The following HPSE2 variants were observed in gnomAD, a reference collection of about 807,000 sequenced individuals.
The protein encoded by HPSE2 is inactive heparanase-2.
Under a neutral mutation model 60.5 loss-of-function variants are expected in HPSE2, and 38 were observed. That is an observed-to-expected ratio of 0.63 (90% CI 0.48 to 0.82). The LOEUF is 0.82. Ranked by LOEUF, HPSE2 falls within the 40% of genes least tolerant of loss-of-function variation. HPSE2 has a pLI of 0.00. For synonymous variants in HPSE2, 295 were observed against 293.2 expected (o/e 1.01, Z -0.06); for missense variants, 713 against 740.4 (o/e 0.96, Z 0.43).
intron 3 of HPSE2, among the ~76,000 whole-genome samples, chr10:98,868,159 G>T (rs1952641161): frequency 6.6e-6 from 1 of 151,396 alleles, no homozygotes; most frequent in Admixed American, 6.6e-5. Flanking sequence ...GTACTATTCA[G>T]CTATAAAAAG....
chr10:99,020,529 C>T (rs1957239831), intron 3 of HPSE2, among the ~76,000 whole-genome samples: 1 of 152,210 alleles, frequency 6.6e-6, no homozygotes, highest in Non-Finnish European at 1.5e-5. Flanking sequence ...AAGGCAGTCT[C>T]ATAGCAGCTT....
chr10:99,105,903 A>C (rs1204137017), intron 3 of HPSE2, among the ~76,000 whole-genome samples: 1 of 152,046 alleles, frequency 6.6e-6, no homozygotes, highest in Non-Finnish European at 1.5e-5. Context: ...ATATTGTTTT[A>C]ATACCTTTGT....
At chr10:99,192,094 C>T (rs910311229) in intron 2 of HPSE2, among the ~76,000 whole-genome samples, 2 of 151,928 alleles carry the variant, frequency 1.3e-5, no homozygotes, top group Admixed American at 1.3e-4. Context: ...TGAAACATAC[C>T]TATAAGACCA....
chr10:99,307,834 A>ACG, the HPSE2 span, among the ~76,000 whole-genome samples: 3 of 118,222 alleles, frequency 2.5e-5, no homozygotes, highest in East Asian at 7.6e-4. Context: ...GTAAATGCGC[A>ACG]CACACACACA....
intron 3 of HPSE2, among the ~76,000 whole-genome samples, chr10:98,885,444 G>C (rs917507577): frequency 9.9e-5 from 15 of 152,194 alleles, no homozygotes; most frequent in African/African-American, 3.6e-4. Context: ...TCTACTGTGG[G>C]TAAAATGCTA....
chr10:98,697,756 G>C (rs568692279), intron 5 of HPSE2, among the ~76,000 whole-genome samples: 32 of 152,268 alleles, frequency 2.1e-4, no homozygotes, highest in Admixed American at 1.5e-3. Context: ...GGCAGCCAGA[G>C]AGAAAGGCCA....
intron 3 of HPSE2, among the ~76,000 whole-genome samples, chr10:98,965,092 T>C (rs950101099): frequency 7.2e-5 from 11 of 152,286 alleles, no homozygotes; most frequent in African/African-American, 2.6e-4. Flanking sequence ...GACCACCCAC[T>C]TCTAACCTAT....
intron 3 of HPSE2, among the ~76,000 whole-genome samples, chr10:98,980,604 G>T (rs1956183622): frequency 6.6e-6 from 1 of 152,192 alleles, no homozygotes; most frequent in Non-Finnish European, 1.5e-5. Flanking sequence ...GTGTATGAGT[G>T]ATTGAAGTCT....
chr10:99,144,739 A>G (rs1289561507), intron 2 of HPSE2, among the ~76,000 whole-genome samples: 10 of 152,178 alleles, frequency 6.6e-5, no homozygotes, highest in Admixed American at 5.2e-4. Flanking sequence ...TCCATGGGAA[A>G]AAGTATTATA....
intron 3 of HPSE2, among the ~76,000 whole-genome samples, chr10:98,953,043 T>TC: frequency 6.6e-6 from 1 of 151,938 alleles, no homozygotes; most frequent in African/African-American, 2.4e-5. Flanking sequence ...ACACTTTCTC[T>TC]CCCCCACGAC....
At chr10:99,296,441 A>G in the HPSE2 span, among the ~76,000 whole-genome samples, 2 of 152,188 alleles carry the variant, frequency 1.3e-5, no homozygotes, top group Non-Finnish European at 2.9e-5. Context: ...ATGAGCCCAA[A>G]TTTCTGCATC....
intron 3 of HPSE2, among the ~76,000 whole-genome samples, chr10:98,903,920 T>G (rs1317488583): frequency 1.3e-5 from 2 of 152,140 alleles, no homozygotes; most frequent in Non-Finnish European, 2.9e-5. Context: ...GTTAGAAAAT[T>G]TGGTTAAATG....
Position 98,694,076 on chromosome 10 carries a change from T to C in HPSE2, c.957-129A>G, listed in dbSNP as rs1037504761. ...GTATGCTTTCTGAGAGGATCCTCCA[T>C]AGCCACAATCATGGCCTAGACACAG... On this transcript the variant is annotated intron_variant, in intron 5 of 11. Transcript: ENST00000370552. 1.1e-5 allele frequency: 8 copies of C among 761,158 alleles called. No homozygotes were observed. The East Asian group carries it at 1.3e-4, about 12-fold the overall frequency. The allele number at this position is 761,158 out of a possible 1,614,324, so 47.2% of individuals were successfully genotyped here.
At chr10:98,959,061 G>A (rs1186077218) in intron 3 of HPSE2, among the ~76,000 whole-genome samples, 1 of 152,082 alleles carries the variant, frequency 6.6e-6, no homozygotes, top group Non-Finnish European at 1.5e-5. Context: ...TGTTTAGCAT[G>A]TAGTAAGCAT....
intron 3 of HPSE2, among the ~76,000 whole-genome samples, chr10:98,817,982 A>G (rs1333308778): frequency 2.6e-5 from 4 of 152,186 alleles, no homozygotes; most frequent in Admixed American, 6.5e-5. Context: ...TGCTATACCC[A>G]AATCTGTTCA....
At chr10:98,982,835 A>G (rs577917671) in intron 3 of HPSE2, among the ~76,000 whole-genome samples, 1 of 152,320 alleles carries the variant, frequency 6.6e-6, no homozygotes, top group East Asian at 1.9e-4. Flanking sequence ...ATAGTTAATT[A>G]TTGAGGTGAA....
intron 4 of HPSE2, among the ~76,000 whole-genome samples, chr10:98,729,811 A>G (rs987767991): frequency 1.3e-5 from 2 of 152,118 alleles, no homozygotes; most frequent in Admixed American, 6.6e-5. Context: ...AGATATAACA[A>G]TTAGAAACAT....
At chr10:99,044,132 AC>A (rs1349382419) in intron 3 of HPSE2, among the ~76,000 whole-genome samples, 1 of 152,164 alleles carries the variant, frequency 6.6e-6, no homozygotes, top group Non-Finnish European at 1.5e-5. Context: ...TACAGAGGAA[AC>A]CCCATCAGGC....
chr10:98,902,323 T>G (rs565586615), intron 3 of HPSE2, among the ~76,000 whole-genome samples: 1 of 152,270 alleles, frequency 6.6e-6, no homozygotes, highest in South Asian at 2.1e-4. Context: ...AGGTCCAAAC[T>G]CATTTGCTAC....
Sources: gnomAD v4.1 joint callset for allele counts (sites outside exome capture counted in the v4.1 genomes callset) on GRCh38, gnomAD v4.1.1 for gene constraint, MANE v1.5 for transcripts, NCBI Gene and HGNC (gene_info 2026-07-23, HGNC 2026-07-21) for gene names.